NCOA2: variants seen among roughly 807,000 people sequenced by gnomAD.
NCOA2 encodes the protein class E basic helix-loop-helix protein 75.
NCOA2 carries 21 observed loss-of-function variants against 145.1 expected under a neutral mutation model. The ratio of observed to expected loss-of-function variants is 0.14; its 90% CI spans 0.10 to 0.21. The LOEUF is 0.21. Ranked by LOEUF, NCOA2 falls within the 10% of genes least tolerant of loss-of-function variation. The pLI is 1.00. For missense variants in NCOA2, 1,472 were observed against 1,837.6 expected (o/e 0.80, Z 3.64); for synonymous variants, 619 against 637.5 (o/e 0.97, Z 0.44).
intron 19 of NCOA2, 131 bp from the exon 20 acceptor site, chr8:70,124,996 GATTA>G (rs1563484982): frequency 1.7e-6 from 1 of 599,946 alleles, no homozygotes; most frequent in Non-Finnish European, 2.6e-6. Flanking sequence ...ATTGTGTACT[GATTA>G]ATTACATACA....
chr8:70,398,388 G>A (rs1339662736), intron 1 of NCOA2, among the ~76,000 whole-genome samples: 1 of 152,168 alleles, frequency 6.6e-6, no homozygotes, highest in Non-Finnish European at 1.5e-5. Flanking sequence ...GAGCCTAGGA[G>A]GTCAAGGCTA....
intron 4 of NCOA2, among the ~76,000 whole-genome samples, chr8:70,181,214 C>A (rs896745236): frequency 6.6e-6 from 1 of 152,178 alleles, no homozygotes; most frequent in African/African-American, 2.4e-5. Context: ...CGTAATTGTT[C>A]TAACTCCAGC....
chr8:70,138,835 CCT>C (rs1407774553), intron 14 of NCOA2, among the ~76,000 whole-genome samples: 3 of 152,242 alleles, frequency 2.0e-5, no homozygotes, highest in African/African-American at 4.8e-5. Flanking sequence ...AGAGTGAAAT[CCT>C]CTGTTTTCGC....
chr8:70,131,584 C>G (rs1233290278), intron 16 of NCOA2, among the ~76,000 whole-genome samples: 1 of 152,112 alleles, frequency 6.6e-6, no homozygotes, highest in African/African-American at 2.4e-5. Flanking sequence ...GTGAAATGGA[C>G]TTGAGTTTGT....
intron 11 of NCOA2, among the ~76,000 whole-genome samples, chr8:70,150,515 T>C (rs149677343): frequency 8.7e-4 from 132 of 152,358 alleles, no homozygotes; most frequent in African/African-American, 2.9e-3. Flanking sequence ...AGCAAAGTCA[T>C]GTCACCCACC....
chr8:70,304,265 T>A (rs1451232198), intron 1 of NCOA2, among the ~76,000 whole-genome samples: 1 of 152,220 alleles, frequency 6.6e-6, no homozygotes, highest in African/African-American at 2.4e-5. Context: ...GACATGTTTA[T>A]ATACACAAAT....
chr8:70,174,803 C>T lies in NCOA2; in HGVS notation c.316G>A (p.Gly106Arg). The T allele has an allele frequency of 6.2e-7, 1 of 1,613,738 alleles. No homozygotes were observed. The highest frequency in any genetic ancestry group is 8.5e-7 in the Non-Finnish European group (1 of 1,179,700). The change falls in exon 5 of 23, where the codon GGG becomes AGG. Residue 106 changes from glycine to arginine, a missense_variant. This residue lies in a region of NCOA2 where 284 missense variants were observed against 467.8 expected (regional missense o/e 0.61). Coordinates refer to ENST00000452400, the MANE Select transcript of NCOA2 (RefSeq NM_006540.4). ...GCATCCTTGTCGATGACACCCTGCC[C>T]TGTAGAGGATACATCTGACTTCTGC... is the stretch of plus-strand genomic sequence containing the variant. ...EVQKSDVSSTGQGVIDKDALG... is the reference protein window; with the variant it reads ...EVQKSDVSSTRQGVIDKDALG...
At chr8:70,365,746 GC>G in intron 1 of NCOA2, among the ~76,000 whole-genome samples, 1 of 152,268 alleles carries the variant, frequency 6.6e-6, no homozygotes, top group Non-Finnish European at 1.5e-5. Flanking sequence ...ATTGCCGGTG[GC>G]AGAAGAACAG....
At chr8:70,447,985 C>T in the NCOA2 span, among the ~76,000 whole-genome samples, 2 of 152,156 alleles carry the variant, frequency 1.3e-5, no homozygotes, top group African/African-American at 2.4e-5. Context: ...ATGCCTAGCC[C>T]CCGATCTGTT....
At chr8:70,162,495 C>T (rs1375178920) in intron 9 of NCOA2, among the ~76,000 whole-genome samples, 3 of 152,192 alleles carry the variant, frequency 2.0e-5, no homozygotes, top group Non-Finnish European at 4.4e-5. Flanking sequence ...CTTTTGCCTG[C>T]CTCTGTGACA....
chr8:70,435,919 C>T, the NCOA2 span, among the ~76,000 whole-genome samples: 1 of 152,132 alleles, frequency 6.6e-6, no homozygotes, highest in South Asian at 2.1e-4. Flanking sequence ...CTGCTTCAGC[C>T]TCCTGAGTAG....
At chr8:70,125,089 T>C (rs1278520614) in intron 19 of NCOA2, among the ~76,000 whole-genome samples, 1 of 152,102 alleles carries the variant, frequency 6.6e-6, no homozygotes, top group Non-Finnish European at 1.5e-5. Context: ...AGTTAGATGG[T>C]GCCTAGGAAC....
the NCOA2 span, among the ~76,000 whole-genome samples, chr8:70,425,101 T>C: frequency 2.3e-4 from 35 of 152,166 alleles, no homozygotes. Flanking sequence ...ATGCATCTTC[T>C]AGAAACTAGG....
At chr8:70,280,526 T>C (rs1023306482) in intron 2 of NCOA2, among the ~76,000 whole-genome samples, 2 of 152,196 alleles carry the variant, frequency 1.3e-5, no homozygotes, top group Admixed American at 6.5e-5. Context: ...CCATACACAA[T>C]ATACCAACTA....
chr8:70,436,304 A>C, the NCOA2 span, among the ~76,000 whole-genome samples: 1 of 152,280 alleles, frequency 6.6e-6, no homozygotes, highest in South Asian at 2.1e-4. Context: ...AATTTTTTCC[A>C]AATTTTTAGT....
rs190034879 is a variant in NCOA2, at chr8:70,346,853, A to C, written c.-76-50053T>G. On this transcript the variant is annotated intron_variant, in intron 1 of 22. Coordinates refer to ENST00000452400, the MANE Select transcript of NCOA2 (RefSeq NM_006540.4). ...TATGCATCTGTTCCCTGTATTCCTG[A>C]ATCTTTTATTATGAGGACATTTCAT... Among the ~76,000 whole-genome samples, 371 of 152,308 alleles carry C rather than the reference A, an allele frequency of 2.4e-3. 2 individuals are homozygous for C. Among genetic ancestry groups the C allele is most frequent in the African/African-American group, 8.4e-3 (348 of 41,558 alleles).
intron 1 of NCOA2, among the ~76,000 whole-genome samples, chr8:70,381,016 G>T (rs1172385847): frequency 6.6e-6 from 1 of 151,090 alleles, no homozygotes; most frequent in Non-Finnish European, 1.5e-5. Flanking sequence ...GAGTTGCAGT[G>T]AGTGGAGATG....
chr8:70,301,153 G>A (rs148593094), intron 1 of NCOA2, among the ~76,000 whole-genome samples: 35 of 152,286 alleles, frequency 2.3e-4, no homozygotes, highest in African/African-American at 7.2e-4. Flanking sequence ...GCAGAAATGT[G>A]ACCAACCTGA....
At chr8:70,452,579 T>G in the NCOA2 span, among the ~76,000 whole-genome samples, 1 of 152,096 alleles carries the variant, frequency 6.6e-6, no homozygotes, top group African/African-American at 2.4e-5. Flanking sequence ...GCTTAATGTG[T>G]GTGGGGTCTC....
Sources: allele counts gnomAD v4.1 joint callset (sites outside exome capture counted in the v4.1 genomes callset), GRCh38; gene constraint gnomAD v4.1.1; regional missense constraint gnomAD v4.1.1; transcripts MANE v1.5; gene names NCBI Gene and HGNC (gene_info 2026-07-23, HGNC 2026-07-21).